The following TMEM74 variants were observed in gnomAD, a reference collection of about 807,000 sequenced individuals.
The protein encoded by TMEM74 is transmembrane protein 74.
A neutral mutation model predicts 18.1 loss-of-function variants in TMEM74; 13 were observed. That is an observed-to-expected ratio of 0.72 (90% CI 0.47 to 1.14). TMEM74 has a LOEUF of 1.14. TMEM74 is among the 50% of genes most tolerant of loss of function. TMEM74 has a pLI of 0.00. For synonymous variants in TMEM74, 159 were observed against 146.6 expected (o/e 1.08, Z -0.61); for missense variants, 372 against 375.9 (o/e 0.99, Z 0.09).
At position 108,701,891 on chromosome 8, in the gene TMEM74, A is replaced by T. The variant is rs572557589; in HGVS notation, n.120-46454T>A. On this transcript the variant is annotated intron_variant and non_coding_transcript_variant, in intron 1 of 3. Transcript: ENST00000518838. Reference sequence around the variant, plus strand: ...AATCCCAAGAAGCGATTTTGTGGATATTGAGAAATTGTTTCTAAAGTTAAT... The same window carrying T: ...AATCCCAAGAAGCGATTTTGTGGATTTTGAGAAATTGTTTCTAAAGTTAAT... 8.5e-5 allele frequency among the ~76,000 whole-genome samples: 13 copies of T among 152,278 alleles called. No individual in the cohort carries two copies. In the East Asian group the frequency reaches 2.5e-3, roughly 29 times the overall value.
At chr8:108,635,617 T>C (rs925076601) in intron 2 of TMEM74, among the ~76,000 whole-genome samples, 1 of 152,094 alleles carries the variant, frequency 6.6e-6, no homozygotes, top group Non-Finnish European at 1.5e-5. Flanking sequence ...ATTTTTAATA[T>C]CATATCTCTC....
chr8:108,724,860 C>T (rs557887391), intron 1 of TMEM74, among the ~76,000 whole-genome samples: 1 of 152,230 alleles, frequency 6.6e-6, no homozygotes, highest in South Asian at 2.1e-4. Flanking sequence ...AGTGATTTGA[C>T]TTATTTAAGG....
intron 1 of TMEM74, among the ~76,000 whole-genome samples, chr8:108,680,211 C>T (rs1214982124): frequency 6.6e-6 from 1 of 151,916 alleles, no homozygotes; most frequent in Admixed American, 6.6e-5. Flanking sequence ...GAGACACAAC[C>T]AAAAAAGAGA....
At chr8:108,667,706 G>A (rs149705344) in intron 1 of TMEM74, among the ~76,000 whole-genome samples, 62 of 152,070 alleles carry the variant, frequency 4.1e-4, no homozygotes, top group Non-Finnish European at 7.4e-4. Context: ...TTTCTCCTTT[G>A]TCTGCATAGT....
intron 1 of TMEM74, among the ~76,000 whole-genome samples, chr8:108,672,553 C>T (rs1171131385): frequency 1.3e-5 from 2 of 152,188 alleles, no homozygotes; most frequent in African/African-American, 4.8e-5. Context: ...AGTCCCCGGC[C>T]TGGGCCACTC....
chr8:108,706,776 GGTGT>G (rs3049749), intron 1 of TMEM74, among the ~76,000 whole-genome samples: 90 of 144,962 alleles, frequency 6.2e-4, no homozygotes, highest in Middle Eastern at 7.0e-3. Context: ...AATTACAAGG[GGTGT>G]GTGTGTGTGT....
intron 1 of TMEM74, among the ~76,000 whole-genome samples, chr8:108,701,149 A>G (rs1813331125): frequency 6.6e-6 from 1 of 151,892 alleles, no homozygotes; most frequent in Non-Finnish European, 1.5e-5. Context: ...CGTAATCACA[A>G]TAAATGCAGA....
chr8:108,781,995 T>C lies in TMEM74; in HGVS notation c.*2186A>G, dbSNP rs750314352. 4.6e-5 allele frequency among the ~76,000 whole-genome samples: 7 copies of C among 152,240 alleles called. No individual in the cohort carries two copies. Among genetic ancestry groups the C allele is most frequent in the Non-Finnish European group, 8.8e-5 (6 of 68,044 alleles). ...TCAGTTTAGTCTGCCATTTGGCTAA[T>C]TAATCCTGTTTCACCAATAAATAAA... On this transcript the variant is annotated 3_prime_UTR_variant, in exon 2 of 2. Coordinates refer to ENST00000297459, the MANE Select transcript of TMEM74 (RefSeq NM_153015.3).
intron 2 of TMEM74, among the ~76,000 whole-genome samples, chr8:108,640,115 CTTTTTTT>C (rs35455409): frequency 4.0e-3 from 317 of 78,916 alleles, no homozygotes; most frequent in Middle Eastern, 0.01. Flanking sequence ...ATAGTAATCA[CTTTTTTT>C]TTTTTTTTTT....
intron 1 of TMEM74, among the ~76,000 whole-genome samples, chr8:108,723,617 T>G (rs947945679): frequency 6.6e-6 from 1 of 152,096 alleles, no homozygotes; most frequent in Non-Finnish European, 1.5e-5. Flanking sequence ...CAAGTCCAAA[T>G]AGAAGGGAGT....
intron 1 of TMEM74, among the ~76,000 whole-genome samples, chr8:108,759,449 T>C (rs1192185158): frequency 6.6e-6 from 1 of 152,266 alleles, no homozygotes; most frequent in East Asian, 1.9e-4. Context: ...GAAAGGTATG[T>C]ATTGCAGCAA....
At chr8:108,635,732 T>C (rs565042217) in intron 2 of TMEM74, among the ~76,000 whole-genome samples, 6 of 152,208 alleles carry the variant, frequency 3.9e-5, no homozygotes, top group Non-Finnish European at 7.4e-5. Context: ...TCTCTGACTA[T>C]TCCAGCCTGC....
intron 2 of TMEM74, among the ~76,000 whole-genome samples, chr8:108,635,978 G>A (rs1812603187): frequency 6.6e-6 from 1 of 151,914 alleles, no homozygotes; most frequent in South Asian, 2.1e-4. Context: ...ACTACAATTT[G>A]TTTTTAAGCA....
chr8:108,657,885 T>TTAATTAC lies in TMEM74; in HGVS notation n.120-2449_120-2448insGTAATTA, dbSNP rs1279532760. Among the ~76,000 whole-genome samples the TTAATTAC allele has an allele frequency of 7.9e-5, 9 of 114,124 alleles. No homozygotes were observed. In the East Asian group the frequency reaches 1.2e-3, roughly 15 times the overall value. 74.9% of individuals were successfully genotyped at this position (114,124 alleles called of 152,430 possible). A position where few individuals can be genotyped will look rare whatever the true frequency, so the allele number is the denominator to read the frequency against. On this transcript the variant is annotated intron_variant and non_coding_transcript_variant, in intron 1 of 3. Coordinates refer to the TMEM74 transcript ENST00000518838. ...ATATATATATATATATATATATATA[T>TTAATTAC]ATATATATATATATATATTAATTAC...
Position 108,784,994 on chromosome 8 carries a change from G to A in TMEM74, c.105C>T (p.Ala35=), listed in dbSNP as rs1274960515. The stretch of plus-strand genomic sequence containing the variant: ...TCTGACAGCAGAGAGCAGCTCTTGT[G>A]GCTGCTGTATCTGCCTGGTCACCAG... ...GLPGDQADTA[A]TRAALCCQKQ... is the part of the protein sequence containing the mutation. Residue 35 remains alanine (A), a synonymous_variant, in exon 2 of 2, where the codon GCC becomes GCT. Coordinates refer to ENST00000297459, the MANE Select transcript of TMEM74 (RefSeq NM_153015.3). The A allele has an allele frequency of 6.2e-7, 1 of 1,614,124 alleles. No individual in the cohort carries two copies. Among genetic ancestry groups the A allele is most frequent in the Admixed American group, 1.7e-5 (1 of 60,024 alleles).
downstream of TMEM74, among the ~76,000 whole-genome samples, chr8:108,776,217 G>T (rs1296553769): frequency 6.6e-6 from 1 of 152,238 alleles, no homozygotes; most frequent in Non-Finnish European, 1.5e-5. Context: ...ATTACGCTGG[G>T]CACCATGGCT....
intron 2 of TMEM74, among the ~76,000 whole-genome samples, chr8:108,619,191 T>C (rs1200959167): frequency 1.3e-5 from 2 of 152,226 alleles, no homozygotes; most frequent in Non-Finnish European, 2.9e-5. Context: ...TTTATGTTTT[T>C]ATATCCAAAT....
At chr8:108,670,034 TGAAAAAAA>T (rs1429203833) in intron 1 of TMEM74, among the ~76,000 whole-genome samples, 3 of 113,942 alleles carry the variant, frequency 2.6e-5, no homozygotes, top group African/African-American at 1.0e-4. Context: ...TAAGATTCTG[TGAAAAAAA>T]AAAAAAAAAA....
At chr8:108,649,709 C>CT (rs1174339660) in intron 2 of TMEM74, among the ~76,000 whole-genome samples, 1 of 152,098 alleles carries the variant, frequency 6.6e-6, no homozygotes, top group Non-Finnish European at 1.5e-5. Flanking sequence ...TCCTAACGTC[C>CT]TTTATCTCCC....
Sources: gnomAD v4.1 joint callset for allele counts (sites outside exome capture counted in the v4.1 genomes callset) on GRCh38, gnomAD v4.1.1 for gene constraint, MANE v1.5 for transcripts, NCBI Gene and HGNC (gene_info 2026-07-23, HGNC 2026-07-21) for gene names.